VEZT: variants seen among roughly 807,000 people sequenced by gnomAD.
VEZT encodes vezatin, adherens junctions transmembrane protein.
VEZT carries 39 observed loss-of-function variants against 79.9 expected under a neutral mutation model. The ratio of observed to expected loss-of-function variants is 0.49; its 90% CI spans 0.38 to 0.64. The LOEUF (loss-of-function observed/expected upper bound fraction) is 0.64, where lower values mean the gene tolerates loss of function less well. VEZT is among the 30% of genes least tolerant of loss of function. The pLI is 0.00. For synonymous variants in VEZT, 325 were observed against 327.6 expected, an observed-to-expected ratio of 0.99 and a Z score of 0.09; for missense variants, 837 against 893.1, an observed-to-expected ratio of 0.94 and a Z score of 0.80.
At chr12:95,224,069 G>A in intron 1 of VEZT, 2 of 423,592 alleles carry the variant, frequency 4.7e-6, no homozygotes, top group Admixed American at 5.2e-5. Flanking sequence ...TTGAGGGATT[G>A]ATGTTATCAT....
chr12:95,278,086 G>A (rs990315305), intron 7 of VEZT, among the ~76,000 whole-genome samples: 1 of 152,218 alleles, frequency 6.6e-6, no homozygotes, highest in Non-Finnish European at 1.5e-5. Flanking sequence ...GTGGTCCTGA[G>A]CAAATCATTG....
chr12:95,248,385 G>A (rs781147602), intron 1 of VEZT, among the ~76,000 whole-genome samples: 45 of 152,246 alleles, frequency 3.0e-4, no homozygotes, highest in Non-Finnish European at 6.0e-4. Flanking sequence ...ATGGTGATCC[G>A]AACTGAATGT....
rs2062692092 is a variant in VEZT, at chr12:95,252,054, A to G, written c.151A>G (p.Thr51Ala). The G allele has an allele frequency of 1.2e-6, 2 of 1,607,104 alleles. No individual in the cohort carries two copies. The highest frequency in any genetic ancestry group is 3.3e-4 in the Middle Eastern group (2 of 6,024). The stretch of plus-strand genomic sequence containing the variant: ...AACAGAGGGACAACAAAAGCCTCCT[A>G]CAAGAGTCCTACCAAAAGTAAGAAC... ...CTTEGQQKPP[T>A]RVLPKQGILL... The change falls in exon 2 of 12, where the codon ACA becomes GCA. Residue 51 changes from threonine (T) to alanine (A), a missense_variant. Thr to Ala is a moderately conservative substitution (Grantham distance 58). Transcript: ENST00000436874.
At chr12:95,261,909 A>G (rs2064591634) in intron 3 of VEZT, among the ~76,000 whole-genome samples, 1 of 152,188 alleles carries the variant, frequency 6.6e-6, no homozygotes. Context: ...TTACTGTGAG[A>G]ATTCACCTAT....
At chr12:95,242,677 C>T (rs907547247) in intron 1 of VEZT, among the ~76,000 whole-genome samples, 3 of 152,076 alleles carry the variant, frequency 2.0e-5, no homozygotes, top group Non-Finnish European at 2.9e-5. Flanking sequence ...AGTTCGAGAC[C>T]AGACTGGCCA....
rs766470336 is a variant in VEZT, at chr12:95,300,615, G to A, written c.2282G>A (p.Gly761Asp). The stretch of plus-strand genomic sequence containing the variant: ...ACCACCATGCAGGAACAGACTTTTG[G>A]TGGTGAGGAGGAAGAACAAATAATA... ...SFTTMQEQTF[G>D]GEEEEQIIEE... The change falls in exon 12 of 12, where the codon GGT (glycine) becomes GAT (aspartate). Residue 761 changes from glycine to aspartate, a missense_variant. Transcript: ENST00000436874. 1 of 1,608,354 alleles carries A rather than the reference G, an allele frequency of 6.2e-7. No homozygotes were observed. Among genetic ancestry groups the A allele is most frequent in the South Asian group, 1.1e-5 (1 of 90,110 alleles).
Position 95,282,185 on chromosome 12 carries a change from G to A in VEZT, c.997-128G>A, listed in dbSNP as rs187424430. ...GCTAATCTTAAGGTAGTTTAAGTTC[G>A]GCTATATTTATTATTTAGGATAAAG... On this transcript the variant is annotated intron_variant, in intron 7 of 11. Coordinates refer to ENST00000436874, the MANE Select transcript of VEZT (RefSeq NM_017599.4). 1,365 of 798,338 alleles carry A rather than the reference G, an allele frequency of 1.7e-3. 7 individuals carry two copies. In the Middle Eastern group the frequency reaches 0.025, roughly 15 times the overall value. The allele number at this position is 798,338 out of a possible 1,614,324, so 49.5% of individuals were successfully genotyped here.
chr12:95,274,617 A>G, intron 6 of VEZT, 125 bp from the exon 7 acceptor site: 1 of 947,602 alleles, frequency 1.1e-6, no homozygotes, highest in Non-Finnish European at 1.5e-6. Flanking sequence ...GTGTTTAAAA[A>G]CTGCTGTAAA....
chr12:95,297,455 T>G (rs1446082895), intron 11 of VEZT, among the ~76,000 whole-genome samples: 1 of 152,092 alleles, frequency 6.6e-6, no homozygotes, highest in Non-Finnish European at 1.5e-5. Context: ...CTGCATTTCT[T>G]GGTTTTATCA....
chr12:95,291,628 A>G (rs780451337), intron 9 of VEZT, among the ~76,000 whole-genome samples: 13 of 152,238 alleles, frequency 8.5e-5, no homozygotes, highest in Admixed American at 3.9e-4. Context: ...AAGAACAGGC[A>G]GTGGGGCAGA....
intron 1 of VEZT, among the ~76,000 whole-genome samples, chr12:95,240,399 G>A (rs1003068394): frequency 1.3e-5 from 2 of 152,084 alleles, no homozygotes; most frequent in Non-Finnish European, 2.9e-5. Flanking sequence ...AGTTAGATGA[G>A]CATGAAGTTT....
At position 95,267,481 on chromosome 12, in the gene VEZT, C is replaced by T. The variant is rs574489839; in HGVS notation, c.710+849C>T. On this transcript the variant is annotated intron_variant, in intron 5 of 11. Coordinates refer to ENST00000436874, the MANE Select transcript of VEZT (RefSeq NM_017599.4). ...AGCATATGGTGAAGAACATTCATAG[C>T]TCTTAATTAGTCGTATCTAGAAAAT... Among the ~76,000 whole-genome samples, 45 of 152,208 alleles carry T rather than the reference C, an allele frequency of 3.0e-4. No homozygotes were observed. The South Asian group carries it at 9.1e-3, about 31-fold the overall frequency.
chr12:95,288,138 CTAT>C (rs2071472817), intron 9 of VEZT, among the ~76,000 whole-genome samples: 1 of 151,970 alleles, frequency 6.6e-6, no homozygotes, highest in Non-Finnish European at 1.5e-5. Flanking sequence ...TAGCATTTTT[CTAT>C]TATTAGAACT....
intron 9 of VEZT, among the ~76,000 whole-genome samples, chr12:95,289,382 A>G (rs1276358998): frequency 7.3e-6 from 1 of 136,112 alleles, no homozygotes; most frequent in Non-Finnish European, 1.5e-5. Context: ...GTACCACTGC[A>G]CTCCAGCCTG....
chr12:95,233,565 A>G (rs1479728774), intron 1 of VEZT, among the ~76,000 whole-genome samples: 1 of 151,796 alleles, frequency 6.6e-6, no homozygotes, highest in Admixed American at 6.6e-5. Flanking sequence ...ACGCCTGGCT[A>G]ATTTTTTTGT....
chr12:95,284,212 G>A (rs996428444), intron 8 of VEZT, among the ~76,000 whole-genome samples: 7 of 152,208 alleles, frequency 4.6e-5, no homozygotes, highest in African/African-American at 1.7e-4. Context: ...TCACTAGAAA[G>A]TACACCAGTC....
chr12:95,243,928 A>G (rs1300085332), intron 1 of VEZT: 2 of 456,004 alleles, frequency 4.4e-6, no homozygotes, highest in African/African-American at 2.0e-5. Flanking sequence ...ACCTTCTACC[A>G]TATTATATCT....
rs547472097 is a variant in VEZT at position 95,282,546 on chromosome 12, G to T, written c.1230G>T (p.Pro410=). ...RYFETQHQSV[P]QCLSKTQQKS... ...TTGAAACTCAGCACCAGTCAGTACC[G>T]CAGTGTTTATCCAAAACTCAACAGA... is the stretch of plus-strand genomic sequence containing the variant. The change falls in exon 8 of 12, where the codon CCG becomes CCT. Residue 410 remains proline (P), a synonymous_variant. Coordinates refer to ENST00000436874, the MANE Select transcript of VEZT (RefSeq NM_017599.4). The T allele has an allele frequency of 6.2e-7, 1 of 1,613,942 alleles. No homozygotes were observed. The highest frequency in any genetic ancestry group is 8.5e-7 in the Non-Finnish European group (1 of 1,179,882).
chr12:95,246,343 G>A (rs191567516), intron 1 of VEZT, among the ~76,000 whole-genome samples: 168 of 152,180 alleles, frequency 1.1e-3, no homozygotes, highest in African/African-American at 3.9e-3. Context: ...AACTGGTCTC[G>A]AACTCCTGAC....
Sources: gnomAD v4.1 joint callset for allele counts (sites outside exome capture counted in the v4.1 genomes callset) on GRCh38, gnomAD v4.1.1 for gene constraint, MANE v1.5 for transcripts, NCBI Gene and HGNC (gene_info 2026-07-23, HGNC 2026-07-21) for gene names.